The following SYNPR variants were observed in gnomAD, a reference collection of about 807,000 sequenced individuals.
The protein encoded by SYNPR is synaptoporin.
A neutral mutation model predicts 32.9 loss-of-function variants in SYNPR; 23 were observed. That is an observed-to-expected ratio of 0.70 (90% CI 0.50 to 0.99). The LOEUF (loss-of-function observed/expected upper bound fraction) is 0.99. SYNPR is among the 50% of genes least tolerant of loss of function. SYNPR has a pLI of 0.00. For missense variants in SYNPR, 318 were observed against 349.3 expected, an observed-to-expected ratio of 0.91 and a Z score of 0.71; for synonymous variants, 146 against 135.9, an observed-to-expected ratio of 1.07 and a Z score of -0.52.
chr3:63,293,783 CTG>C (rs35599811), intron 2 of SYNPR, among the ~76,000 whole-genome samples: 43,017 of 149,974 alleles, frequency 0.29, 6,432 homozygotes, highest in South Asian at 0.37. Context: ...CATGGTTATA[CTG>C]TGTGTGTGTG....
At chr3:63,355,034 T>A (rs1178821312) in intron 2 of SYNPR, among the ~76,000 whole-genome samples, 1 of 152,166 alleles carries the variant, frequency 6.6e-6, no homozygotes, top group Non-Finnish European at 1.5e-5. Context: ...ATCCCAGCAC[T>A]TTGGGAGGCC....
At chr3:63,201,238 G>T in the SYNPR span, among the ~76,000 whole-genome samples, 1 of 152,102 alleles carries the variant, frequency 6.6e-6, no homozygotes, top group Admixed American at 6.6e-5. Context: ...GGGCCATGTT[G>T]CATGAACATT....
chr3:63,250,331 TAAATA>T (rs141339931), intron 1 of SYNPR, among the ~76,000 whole-genome samples: 3,253 of 151,840 alleles, frequency 0.021, 106 homozygotes, highest in African/African-American at 0.073. Context: ...ACAAGGAAAA[TAAATA>T]AAATAAAATA....
At chr3:63,325,743 C>T (rs1376475) in intron 2 of SYNPR, among the ~76,000 whole-genome samples, 44,572 of 151,880 alleles carry the variant, frequency 0.29, 6,926 homozygotes, top group South Asian at 0.45. Context: ...CCATCATTCT[C>T]GGTGGAAACT....
the SYNPR span, among the ~76,000 whole-genome samples, chr3:63,217,856 C>A: frequency 1.3e-5 from 2 of 152,242 alleles, no homozygotes; most frequent in African/African-American, 4.8e-5. Flanking sequence ...ATTTGGTAAA[C>A]TATTTAGTAT....
chr3:63,506,019 A>T (rs1701580400), intron 3 of SYNPR, among the ~76,000 whole-genome samples: 1 of 151,804 alleles, frequency 6.6e-6, no homozygotes. Flanking sequence ...TTTTCTGAGT[A>T]TTAAGGCAGC....
chr3:63,417,662 C>T (rs1443175076), intron 2 of SYNPR, among the ~76,000 whole-genome samples: 1 of 152,242 alleles, frequency 6.6e-6, no homozygotes, highest in Non-Finnish European at 1.5e-5. Flanking sequence ...TGGAGGTTTC[C>T]AAACCCCAAT....
At chr3:63,373,581 G>A (rs1023452757) in intron 2 of SYNPR, among the ~76,000 whole-genome samples, 9 of 152,088 alleles carry the variant, frequency 5.9e-5, no homozygotes, top group South Asian at 2.1e-4. Context: ...ATGGGATTAC[G>A]TAAAAAGATC....
the SYNPR span, among the ~76,000 whole-genome samples, chr3:63,211,571 T>C: frequency 2.0e-5 from 3 of 152,190 alleles, no homozygotes; most frequent in Non-Finnish European, 4.4e-5. Context: ...CCTCGGTAGA[T>C]GACAAGGACT....
intron 3 of SYNPR, among the ~76,000 whole-genome samples, chr3:63,520,842 C>T (rs903921439): frequency 1.1e-4 from 16 of 152,196 alleles, no homozygotes; most frequent in Non-Finnish European, 2.2e-4. Context: ...CTGCCCATGA[C>T]TTTGCTGATG....
At position 63,615,649 on chromosome 3, in the gene SYNPR, C is replaced by T; in HGVS notation, c.*168C>T. ...AAGTCCTGGGTTGTGAAAAATGATA[C>T]TTAGAGATGAGGCGACATGAGGAGA... On this transcript the variant is annotated 3_prime_UTR_variant, in exon 6 of 6. Transcript: ENST00000478300. The T allele has an allele frequency of 1.1e-6, 1 of 881,244 alleles. No homozygotes were observed. The highest frequency in any genetic ancestry group is 2.7e-5 in the East Asian group (1 of 36,882). The allele number at this position is 881,244 out of a possible 1,614,324, so 54.6% of individuals were successfully genotyped here.
chr3:63,271,020 C>CTTCT lies in SYNPR; in HGVS notation n.287+3575_287+3578dup, dbSNP rs796735252. 7.2e-5 allele frequency among the ~76,000 whole-genome samples: 7 copies of CTTCT among 97,598 alleles called. 1 individual carries two copies. Among genetic ancestry groups the CTTCT allele is most frequent in the Admixed American group, 1.0e-4 (1 of 9,788 alleles). The allele number at this position is 97,598 out of a possible 152,430, so 64.0% of individuals were successfully genotyped here. ...TTTTCTTTCCTTCCTTCCTTCCTTC[C>CTTCT]TTCTTTCCTTCCTTCCTTCTTTTCT... On this transcript the variant is annotated intron_variant and non_coding_transcript_variant, in intron 3 of 4. Coordinates refer to the SYNPR transcript ENST00000478456.
chr3:63,610,492 G>C, intron 5 of SYNPR: 1 of 698,902 alleles, frequency 1.4e-6, no homozygotes. Flanking sequence ...AATTCAATCT[G>C]CGAAGGCACT....
chr3:63,234,974 C>T (rs1214287029), intron 1 of SYNPR, among the ~76,000 whole-genome samples: 1 of 152,194 alleles, frequency 6.6e-6, no homozygotes, highest in Non-Finnish European at 1.5e-5. Flanking sequence ...TGTCTACAAT[C>T]TCCCCCCAAT....
Position 63,459,243 on chromosome 3 carries a change from TGAAATGAGA to T in SYNPR, c.85-21588_85-21580del, listed in dbSNP as rs1559505405. ...ACCAATTTGGATTTTCATACCTCAGTGAAATGAGACATTTCACTGGCCTCAATCACTCTA... is the reference window on the plus strand; with the variant it reads ...ACCAATTTGGATTTTCATACCTCAGTCATTTCACTGGCCTCAATCACTCTA... On this transcript the variant is annotated intron_variant, in intron 2 of 5. Transcript: ENST00000478300. Among the ~76,000 whole-genome samples the T allele has an allele frequency of 1.2e-4, 19 of 152,104 alleles. 1 individual carries two copies. The highest frequency in any genetic ancestry group is 4.3e-4 in the African/African-American group (18 of 41,428).
At chr3:63,445,643 A>G in intron 2 of SYNPR, 1 of 629,554 alleles carries the variant, frequency 1.6e-6, no homozygotes, top group Non-Finnish European at 2.9e-6. Context: ...TTTAATCTTG[A>G]CAAGCACTCT....
At chr3:63,458,084 C>T (rs1004494028) in intron 2 of SYNPR, among the ~76,000 whole-genome samples, 1 of 152,250 alleles carries the variant, frequency 6.6e-6, no homozygotes, top group East Asian at 1.9e-4. Context: ...GGGCACTAAA[C>T]TTTGCTTTTG....
chr3:63,355,704 G>T (rs1560203028), intron 2 of SYNPR, among the ~76,000 whole-genome samples: 1 of 151,302 alleles, frequency 6.6e-6, no homozygotes, highest in East Asian at 1.9e-4. Flanking sequence ...CAGTACTCTG[G>T]CCCCCCCAGC....
chr3:63,254,845 G>A (rs929192815), intron 2 of SYNPR, among the ~76,000 whole-genome samples: 25 of 152,234 alleles, frequency 1.6e-4, no homozygotes, highest in African/African-American at 6.0e-4. Flanking sequence ...GCATTAGGGT[G>A]GGCCCTAATC....
Sources: allele counts gnomAD v4.1 joint callset (sites outside exome capture counted in the v4.1 genomes callset), GRCh38; gene constraint gnomAD v4.1.1; transcripts MANE v1.5; gene names NCBI Gene and HGNC (gene_info 2026-07-23, HGNC 2026-07-21).